EBF1: variants seen among roughly 807,000 people sequenced by gnomAD.
EBF1 encodes EBF transcription factor 1.
A neutral mutation model predicts 68.4 loss-of-function variants in EBF1; 10 were observed. That is an observed-to-expected ratio of 0.15 (90% CI 0.09 to 0.25). The LOEUF (loss-of-function observed/expected upper bound fraction) is 0.25. Among genes scored for constraint, EBF1 ranks in the 10% least tolerant of loss-of-function variants. EBF1 has a pLI of 1.00. For synonymous variants in EBF1, 298 were observed against 299.8 expected (o/e 0.99, Z 0.06); for missense variants, 509 against 794.4 (o/e 0.64, Z 4.32).
At chr5:158,809,484 C>A (rs755633600) in intron 8 of EBF1, among the ~76,000 whole-genome samples, 6 of 152,156 alleles carry the variant, frequency 3.9e-5, no homozygotes, top group Non-Finnish European at 7.4e-5. Context: ...TGTGCAATTT[C>A]TTATCCCCAA....
intron 6 of EBF1, among the ~76,000 whole-genome samples, chr5:159,046,328 T>C (rs1772392784): frequency 6.6e-6 from 1 of 152,210 alleles, no homozygotes; most frequent in African/African-American, 2.4e-5. Flanking sequence ...AGGCTCTCAA[T>C]AATCTTGTTG....
chr5:158,769,742 A>G (rs1362560823), intron 10 of EBF1, among the ~76,000 whole-genome samples: 1 of 151,890 alleles, frequency 6.6e-6, no homozygotes, highest in Non-Finnish European at 1.5e-5. Flanking sequence ...AAAAAAGGAG[A>G]GGCTTGGGAC....
chr5:158,833,437 T>A (rs1010296852), intron 7 of EBF1, among the ~76,000 whole-genome samples: 1 of 152,232 alleles, frequency 6.6e-6, no homozygotes, highest in African/African-American at 2.4e-5. Context: ...TGTACACATC[T>A]TCATTGCAGC....
chr5:158,945,952 C>T (rs1814568695), intron 6 of EBF1, among the ~76,000 whole-genome samples: 1 of 152,020 alleles, frequency 6.6e-6, no homozygotes, highest in African/African-American at 2.4e-5. Context: ...CTCTGATATC[C>T]TTTCTTCCAC....
intron 6 of EBF1, among the ~76,000 whole-genome samples, chr5:159,069,691 C>G (rs976069477): frequency 3.4e-4 from 52 of 152,056 alleles, no homozygotes; most frequent in African/African-American, 1.1e-3. Context: ...CCCTATGTGA[C>G]TTTTGTCATT....
chr5:159,068,790 T>C (rs951484106), intron 6 of EBF1, among the ~76,000 whole-genome samples: 5 of 152,170 alleles, frequency 3.3e-5, no homozygotes, highest in African/African-American at 1.2e-4. Context: ...GTGGAAGATC[T>C]TTAGACAAAT....
chr5:158,853,296 A>G (rs1793339104), intron 6 of EBF1, among the ~76,000 whole-genome samples: 1 of 152,244 alleles, frequency 6.6e-6, no homozygotes, highest in Admixed American at 6.5e-5. Flanking sequence ...AGAGTATCAT[A>G]ACCCCCAACT....
intron 6 of EBF1, among the ~76,000 whole-genome samples, chr5:158,859,990 C>T (rs577141509): frequency 5.3e-5 from 8 of 152,240 alleles, no homozygotes; most frequent in South Asian, 2.1e-4. Context: ...TATACATCAC[C>T]GTTTGGTGAA....
intron 6 of EBF1, among the ~76,000 whole-genome samples, chr5:159,019,823 G>A (rs1328520922): frequency 4.6e-5 from 7 of 151,994 alleles, no homozygotes; most frequent in Non-Finnish European, 7.4e-5. Flanking sequence ...TTACTGCTCC[G>A]ATTGTTCTCG....
chr5:158,924,577 G>T (rs985328178), intron 6 of EBF1, among the ~76,000 whole-genome samples: 2 of 152,110 alleles, frequency 1.3e-5, no homozygotes, highest in African/African-American at 2.4e-5. Context: ...ACTGGGCCGG[G>T]TGCGGTGGTT....
intron 8 of EBF1, among the ~76,000 whole-genome samples, chr5:158,803,680 A>G (rs553494308): frequency 1.4e-5 from 2 of 141,940 alleles, no homozygotes; most frequent in African/African-American, 4.9e-5. Context: ...GCCAATAAAC[A>G]AACAAACAAA....
At chr5:158,945,613 T>G (rs955505868) in intron 6 of EBF1, among the ~76,000 whole-genome samples, 2 of 152,234 alleles carry the variant, frequency 1.3e-5, no homozygotes, top group African/African-American at 4.8e-5. Flanking sequence ...CATTTTTTCC[T>G]TCATTTCAAC....
chr5:158,997,813 T>A (rs984484569), intron 6 of EBF1, among the ~76,000 whole-genome samples: 2 of 152,176 alleles, frequency 1.3e-5, no homozygotes, highest in African/African-American at 4.8e-5. Context: ...GCTCTCCCTC[T>A]ACTCCTTACC....
intron 8 of EBF1, among the ~76,000 whole-genome samples, chr5:158,803,559 A>T (rs892400181): frequency 6.6e-6 from 1 of 151,908 alleles, no homozygotes; most frequent in Non-Finnish European, 1.5e-5. Flanking sequence ...CCATTCTCCA[A>T]CTGGATGCTT....
chr5:158,786,679 G>A (rs907411083), intron 9 of EBF1, among the ~76,000 whole-genome samples: 1 of 152,138 alleles, frequency 6.6e-6, no homozygotes, highest in African/African-American at 2.4e-5. Flanking sequence ...CCCTACTCAG[G>A]CCTGGCTCAG....
chr5:158,985,284 C>T (rs901491015), intron 6 of EBF1, among the ~76,000 whole-genome samples: 20 of 152,158 alleles, frequency 1.3e-4, no homozygotes, highest in African/African-American at 4.8e-4. Flanking sequence ...AGCTTTGGGA[C>T]CATGTGAAAG....
At chr5:158,967,711 A>G (rs970097923) in intron 6 of EBF1, among the ~76,000 whole-genome samples, 2 of 152,174 alleles carry the variant, frequency 1.3e-5, no homozygotes, top group Non-Finnish European at 2.9e-5. Context: ...TCCTGTTTCA[A>G]TATTCTAGAT....
intron 7 of EBF1, among the ~76,000 whole-genome samples, chr5:158,824,528 C>G (rs1163754784): frequency 1.3e-5 from 2 of 152,244 alleles, no homozygotes; most frequent in African/African-American, 4.8e-5. Context: ...CTCAATTCCC[C>G]AGTTGCTTGG....
At chr5:158,743,628 T>C (rs1482976393) in intron 10 of EBF1, among the ~76,000 whole-genome samples, 3 of 152,218 alleles carry the variant, frequency 2.0e-5, no homozygotes, top group Admixed American at 6.5e-5. Flanking sequence ...GAGGAAAAAG[T>C]AGATTTCAGA....
Sources: gnomAD v4.1 joint callset for allele counts (sites outside exome capture counted in the v4.1 genomes callset) on GRCh38, gnomAD v4.1.1 for gene constraint, MANE v1.5 for transcripts, NCBI Gene and HGNC (gene_info 2026-07-23, HGNC 2026-07-21) for gene names.